Variants in ANKS1B observed in about 807,000 individuals in gnomAD.
ANKS1B encodes the protein ankyrin repeat and sterile alpha motif domain-containing protein 1B.
A neutral mutation model predicts 148.3 loss-of-function variants in ANKS1B; 36 were observed. The ratio of observed to expected loss-of-function variants is 0.24; its 90% CI spans 0.19 to 0.32. The LOEUF is 0.32. Ranked by LOEUF, ANKS1B falls within the 10% of genes least tolerant of loss-of-function variation. The probability of loss-of-function intolerance (pLI) is 1.00; values close to 1 mark genes in which losing one functional copy is unlikely to be tolerated. For synonymous variants in ANKS1B, 542 were observed against 560.8 expected, an observed-to-expected ratio of 0.97 and a Z score of 0.47; for missense variants, 1,157 against 1,542.6, an observed-to-expected ratio of 0.75 and a Z score of 4.19.
At chr12:99,030,080 C>T (rs1039384633) in intron 17 of ANKS1B, among the ~76,000 whole-genome samples, 10 of 152,212 alleles carry the variant, frequency 6.6e-5, no homozygotes, top group African/African-American at 2.4e-4. Flanking sequence ...CCCTCTGGCT[C>T]AAAAACTGGG....
chr12:99,370,103 A>G lies in ANKS1B; in HGVS notation c.1756+29528T>C, dbSNP rs17029294. Among the ~76,000 whole-genome samples the G allele has an allele frequency of 3.8e-3, 584 of 152,180 alleles. 38 individuals carry two copies. In the East Asian group the frequency reaches 0.089, roughly 23 times the overall value. On this transcript the variant is annotated intron_variant, in intron 12 of 26. Coordinates refer to ENST00000683438, the MANE Select transcript of ANKS1B (RefSeq NM_001352186.2). ...AGTGGGGCATGATTGTTATTCTTAGATTACTTAAGGAGGCACAAAAAATTA... is the reference window on the plus strand; with the variant it reads ...AGTGGGGCATGATTGTTATTCTTAGGTTACTTAAGGAGGCACAAAAAATTA...
intron 14 of ANKS1B, among the ~76,000 whole-genome samples, chr12:99,213,171 T>C (rs1181124495): frequency 1.3e-5 from 2 of 152,250 alleles, no homozygotes; most frequent in Non-Finnish European, 2.9e-5. Flanking sequence ...GCCAGTGACC[T>C]GCTTTGTCTA....
chr12:99,554,288 A>G (rs2097254087), intron 9 of ANKS1B, among the ~76,000 whole-genome samples: 1 of 152,342 alleles, frequency 6.6e-6, no homozygotes, highest in African/African-American at 2.4e-5. Context: ...GAGCCAGTGC[A>G]GAAGAGTGAG....
At chr12:99,280,470 C>T (rs61940240) in intron 12 of ANKS1B, among the ~76,000 whole-genome samples, 1 of 152,030 alleles carries the variant, frequency 6.6e-6, no homozygotes, top group South Asian at 2.1e-4. Context: ...TGTTTTACTT[C>T]TGGGCTGCCA....
intron 19 of ANKS1B, among the ~76,000 whole-genome samples, chr12:98,809,788 A>G (rs2099080206): frequency 6.6e-6 from 1 of 152,086 alleles, no homozygotes; most frequent in Non-Finnish European, 1.5e-5. Flanking sequence ...AAAAACCTTA[A>G]AATTGAGTTT....
At chr12:99,877,028 G>A (rs1344696400) in intron 1 of ANKS1B, among the ~76,000 whole-genome samples, 3 of 152,042 alleles carry the variant, frequency 2.0e-5, no homozygotes, top group Non-Finnish European at 2.9e-5. Context: ...TCTAAATCAC[G>A]TGTGTCTATA....
intron 20 of ANKS1B, among the ~76,000 whole-genome samples, chr12:98,803,696 G>A (rs2099025389): frequency 6.6e-6 from 1 of 152,186 alleles, no homozygotes; most frequent in South Asian, 2.1e-4. Flanking sequence ...CAGGGCCAGG[G>A]CTGGGAACAG....
intron 17 of ANKS1B, among the ~76,000 whole-genome samples, chr12:98,844,845 T>C (rs748085829): frequency 7.9e-5 from 12 of 152,186 alleles, no homozygotes; most frequent in Non-Finnish European, 1.6e-4. Context: ...GATTTTTCAA[T>C]GACATAAAAC....
At position 99,324,693 on chromosome 12, in the gene ANKS1B, A is replaced by G. The variant is rs375176876; in HGVS notation, c.1756+74938T>C. Reference sequence around the variant, plus strand: ...AGAAATCACTTTATCTAAAAGTACTATAAAAAACATTCATTCTTGACTATG... The same window carrying G: ...AGAAATCACTTTATCTAAAAGTACTGTAAAAAACATTCATTCTTGACTATG... On this transcript the variant is annotated intron_variant, in intron 12 of 26. Transcript: ENST00000683438. 3.3e-5 allele frequency among the ~76,000 whole-genome samples: 5 copies of G among 152,176 alleles called. No homozygotes were observed. The East Asian group carries it at 9.6e-4, about 29-fold the overall frequency.
chr12:99,293,322 T>G (rs560471495), intron 12 of ANKS1B, among the ~76,000 whole-genome samples: 2,567 of 138,592 alleles, frequency 0.019, 67 homozygotes, highest in African/African-American at 0.066. Context: ...GGACACAGGG[T>G]GGGGAACATC....
chr12:99,432,015 T>G (rs577912354), intron 11 of ANKS1B, among the ~76,000 whole-genome samples: 1 of 152,330 alleles, frequency 6.6e-6, no homozygotes, highest in African/African-American at 2.4e-5. Flanking sequence ...CTCATGGGTA[T>G]GGAGTAATTC....
At chr12:99,445,058 C>A (rs2095614570) in intron 10 of ANKS1B, among the ~76,000 whole-genome samples, 1 of 151,896 alleles carries the variant, frequency 6.6e-6, no homozygotes, top group Admixed American at 6.6e-5. Flanking sequence ...TAAAATAAGT[C>A]TTAAAAGTGT....
chr12:99,972,595 A>C (rs2095572986), intron 1 of ANKS1B, among the ~76,000 whole-genome samples: 1 of 152,200 alleles, frequency 6.6e-6, no homozygotes, highest in African/African-American at 2.4e-5. Context: ...AAGGTAGCAG[A>C]GGTTCAGGGG....
At chr12:99,666,895 T>G (rs66466159) in intron 8 of ANKS1B, among the ~76,000 whole-genome samples, 2,790 of 144,812 alleles carry the variant, frequency 0.019, 51 homozygotes, top group African/African-American at 0.029. Flanking sequence ...TGTGTGTGTG[T>G]GGTGAGGACA....
intron 11 of ANKS1B, among the ~76,000 whole-genome samples, chr12:99,418,794 C>T (rs1343607119): frequency 1.3e-5 from 2 of 152,068 alleles, no homozygotes; most frequent in Admixed American, 1.3e-4. Flanking sequence ...TTTATAGATG[C>T]TCTTCATCAA....
At chr12:99,625,066 TA>T (rs918582796) in intron 9 of ANKS1B, among the ~76,000 whole-genome samples, 10 of 151,770 alleles carry the variant, frequency 6.6e-5, no homozygotes, top group African/African-American at 1.7e-4. Context: ...TATGCAGCCA[TA>T]AAAAAAAGAA....
chr12:99,646,806 A>AAAATTCTTTACAGCTT (rs1216524564), intron 9 of ANKS1B, among the ~76,000 whole-genome samples: 45 of 151,884 alleles, frequency 3.0e-4, no homozygotes, highest in Non-Finnish European at 2.4e-4. Flanking sequence ...AATACCTAGC[A>AAAATTCTTTACAGCTT]AAATTCTTTA....
rs575795826 is a variant in ANKS1B, at chr12:99,531,140, G to C, written c.1273-26499C>G. Reference sequence around the variant, plus strand: ...GTGGCTACACTTGACTACATAGCTTGCTTTCTTCTCTGAACCTAAAAACAA... The same window carrying C: ...GTGGCTACACTTGACTACATAGCTTCCTTTCTTCTCTGAACCTAAAAACAA... On this transcript the variant is annotated intron_variant, in intron 9 of 26. Transcript: ENST00000683438. Among the ~76,000 whole-genome samples the C allele has an allele frequency of 8.5e-5, 13 of 152,214 alleles. No individual in the cohort carries two copies. In the South Asian group the frequency reaches 2.5e-3, roughly 29 times the overall value.
intron 17 of ANKS1B, among the ~76,000 whole-genome samples, chr12:98,966,901 AG>A (rs2099878485): frequency 2.0e-5 from 1 of 50,908 alleles, no homozygotes; most frequent in Non-Finnish European, 3.8e-5. Context: ...GGGTGGGGGG[AG>A]GGGGGAGGGA....
Sources: gnomAD v4.1 joint callset for allele counts (sites outside exome capture counted in the v4.1 genomes callset) on GRCh38, gnomAD v4.1.1 for gene constraint, MANE v1.5 for transcripts, NCBI Gene and HGNC (gene_info 2026-07-23, HGNC 2026-07-21) for gene names.